DLGAP1: variants seen among roughly 807,000 people sequenced by gnomAD.
DLGAP1 encodes the protein disks large-associated protein 1.
A neutral mutation model predicts 90.8 loss-of-function variants in DLGAP1; 11 were observed. The ratio of observed to expected loss-of-function variants is 0.12; its 90% CI spans 0.08 to 0.20. The LOEUF (loss-of-function observed/expected upper bound fraction) is 0.20, where lower values mean the gene tolerates loss of function less well. Among genes scored for constraint, DLGAP1 ranks in the 10% least tolerant of loss-of-function variants. The pLI is 1.00. For synonymous variants in DLGAP1, 558 were observed against 540.7 expected, an observed-to-expected ratio of 1.03 and a Z score of -0.44; for missense variants, 1,050 against 1,333.8, an observed-to-expected ratio of 0.79 and a Z score of 3.31.
At chr18:4,444,630 A>C (rs1454233738) in intron 1 of DLGAP1, among the ~76,000 whole-genome samples, 1 of 152,274 alleles carries the variant, frequency 6.6e-6, no homozygotes, top group African/African-American at 2.4e-5. Context: ...TGAAATAATA[A>C]GACAGGGATT....
rs376912643 is a variant in DLGAP1 at position 3,926,800 on chromosome 18, T to C, written c.-72-46660A>G. Among the ~76,000 whole-genome samples the C allele has an allele frequency of 1.6e-4, 24 of 152,100 alleles. No individual in the cohort carries two copies. The East Asian group carries it at 2.1e-3, about 13-fold the overall frequency. On this transcript the variant is annotated intron_variant, in intron 3 of 12. Coordinates refer to ENST00000315677, the MANE Select transcript of DLGAP1 (RefSeq NM_004746.4). The stretch of plus-strand genomic sequence containing the variant: ...GCACCTATAGCACCCAGGAGTTGAG[T>C]TGTAACACCATTCTTGACTAAAAAG...
At chr18:3,982,712 C>T (rs2073759975) in intron 3 of DLGAP1, among the ~76,000 whole-genome samples, 1 of 152,142 alleles carries the variant, frequency 6.6e-6, no homozygotes, top group Non-Finnish European at 1.5e-5. Flanking sequence ...GGTTTGGAAG[C>T]TCAGTGATGG....
At chr18:3,996,014 T>C (rs2074062985) in intron 3 of DLGAP1, among the ~76,000 whole-genome samples, 1 of 152,150 alleles carries the variant, frequency 6.6e-6, no homozygotes, top group South Asian at 2.1e-4. Context: ...TAAGAAATAC[T>C]GTATTACAAG....
At chr18:3,652,248 G>C (rs1281387482) in intron 7 of DLGAP1, among the ~76,000 whole-genome samples, 1 of 151,924 alleles carries the variant, frequency 6.6e-6, no homozygotes, top group Non-Finnish European at 1.5e-5. Flanking sequence ...CAATACATTA[G>C]GAATATTTTT....
intron 5 of DLGAP1, among the ~76,000 whole-genome samples, chr18:3,793,055 G>A (rs745632074): frequency 3.3e-5 from 5 of 152,152 alleles, no homozygotes; most frequent in Admixed American, 6.5e-5. Flanking sequence ...TCACAAGTGC[G>A]GCGCTGTTAA....
chr18:3,992,012 A>G (rs529003760), intron 3 of DLGAP1, among the ~76,000 whole-genome samples: 157 of 152,314 alleles, frequency 1.0e-3, no homozygotes, highest in Non-Finnish European at 1.9e-3. Context: ...CTGATGGCTA[A>G]CCCAATCACA....
intron 4 of DLGAP1, among the ~76,000 whole-genome samples, chr18:3,872,901 C>A (rs1396422197): frequency 2.6e-5 from 4 of 152,172 alleles, no homozygotes; most frequent in African/African-American, 9.7e-5. Flanking sequence ...TCTTTGCTAA[C>A]TAATGCTATG....
intron 5 of DLGAP1, 133 bp downstream of exon 5, chr18:3,813,926 T>G: frequency 1.2e-6 from 1 of 838,964 alleles, no homozygotes; most frequent in South Asian, 1.6e-5. Flanking sequence ...AGATCTAAAG[T>G]CACAATCAAT....
chr18:3,922,553 T>C (rs976599429), intron 3 of DLGAP1, among the ~76,000 whole-genome samples: 1 of 152,244 alleles, frequency 6.6e-6, no homozygotes, highest in African/African-American at 2.4e-5. Flanking sequence ...CTTCACTTAA[T>C]ACTACATGAT....
Position 4,306,065 on chromosome 18 carries a change from C to CACACAT in DLGAP1, c.-267+148940_-267+148941insATGTGT, listed in dbSNP as rs1555779966. Among the ~76,000 whole-genome samples the CACACAT allele has an allele frequency of 1.4e-4, 19 of 131,600 alleles. 1 individual carries two copies. The highest frequency in any genetic ancestry group is 5.3e-4 in the African/African-American group (19 of 36,128). 86.3% of individuals were successfully genotyped at this position (131,600 alleles called of 152,430 possible). A position where few individuals can be genotyped will look rare whatever the true frequency, so the allele number is the denominator to read the frequency against. The stretch of plus-strand genomic sequence containing the variant: ...ACACACACACACACACACACACACA[C>CACACAT]GGGGGAGAGGGGGGCGGAGAGAGAG... On this transcript the variant is annotated intron_variant, in intron 1 of 12. Coordinates refer to ENST00000315677, the MANE Select transcript of DLGAP1 (RefSeq NM_004746.4).
intron 7 of DLGAP1, among the ~76,000 whole-genome samples, chr18:3,583,398 GTCTT>G (rs1033926252): frequency 2.0e-5 from 3 of 149,582 alleles, no homozygotes; most frequent in Non-Finnish European, 3.0e-5. Flanking sequence ...CCTCCTCTCT[GTCTT>G]CCTTCTTCAC....
chr18:3,758,109 GAAAAAAAA>G, intron 5 of DLGAP1, among the ~76,000 whole-genome samples: 1 of 72,068 alleles, frequency 1.4e-5, no homozygotes, highest in East Asian at 5.0e-4. Flanking sequence ...TCTATCTTGA[GAAAAAAAA>G]AAAAAAAAAG....
At chr18:3,593,995 G>C (rs558791656) in intron 7 of DLGAP1, 1 of 145,486 alleles carries the variant, frequency 6.9e-6, no homozygotes, top group African/African-American at 2.6e-5. Context: ...AGGGGTCAGA[G>C]AGTTCGTCAT....
At chr18:4,168,457 AT>A (rs1366744493) in intron 1 of DLGAP1, among the ~76,000 whole-genome samples, 1 of 152,194 alleles carries the variant, frequency 6.6e-6, no homozygotes, top group Non-Finnish European at 1.5e-5. Context: ...TTCTAAGTAC[AT>A]TAAAAATGTT....
At chr18:4,407,322 T>C (rs904870154) in intron 1 of DLGAP1, among the ~76,000 whole-genome samples, 1 of 152,172 alleles carries the variant, frequency 6.6e-6, no homozygotes, top group South Asian at 2.1e-4. Context: ...GAGAAAGAGA[T>C]GTCATCTTTA....
At chr18:3,635,327 G>A (rs903622490) in intron 7 of DLGAP1, among the ~76,000 whole-genome samples, 5 of 148,846 alleles carry the variant, frequency 3.4e-5, no homozygotes, top group Admixed American at 2.0e-4. Flanking sequence ...TAGTAGAGAC[G>A]GGGTTTCACC....
chr18:4,247,000 T>C (rs187657768), intron 1 of DLGAP1, among the ~76,000 whole-genome samples: 2 of 152,298 alleles, frequency 1.3e-5, no homozygotes, highest in Admixed American at 1.3e-4. Context: ...GGCTTAGAAT[T>C]CTGCTAGTGT....
chr18:4,145,585 A>T (rs914324542), intron 2 of DLGAP1, among the ~76,000 whole-genome samples: 1 of 152,160 alleles, frequency 6.6e-6, no homozygotes, highest in African/African-American at 2.4e-5. Context: ...CATAAAACAG[A>T]ACAGAAAAGT....
At chr18:3,849,483 T>A (rs186864409) in intron 4 of DLGAP1, among the ~76,000 whole-genome samples, 69 of 152,134 alleles carry the variant, frequency 4.5e-4, no homozygotes, top group African/African-American at 1.6e-3. Context: ...AGGTACTAGA[T>A]GCATAGGGGA....
Sources: gnomAD v4.1 joint callset for allele counts (sites outside exome capture counted in the v4.1 genomes callset) on GRCh38, gnomAD v4.1.1 for gene constraint, MANE v1.5 for transcripts, NCBI Gene and HGNC (gene_info 2026-07-23, HGNC 2026-07-21) for gene names.